LPIN2: variants seen among roughly 807,000 people sequenced by gnomAD.
LPIN2 encodes the protein lipin 2.
A neutral mutation model predicts 111.4 loss-of-function variants in LPIN2; 55 were observed. The ratio of observed to expected loss-of-function variants is 0.49; its 90% CI spans 0.40 to 0.62. The LOEUF (loss-of-function observed/expected upper bound fraction) is 0.62, where lower values mean the gene tolerates loss of function less well. Among genes scored for constraint, LPIN2 ranks in the 20% least tolerant of loss-of-function variants. The pLI, the probability that LPIN2 is intolerant of heterozygous loss-of-function variation, is 0.00. For synonymous variants in LPIN2, 425 were observed against 414.0 expected, an observed-to-expected ratio of 1.03 and a Z score of -0.32; for missense variants, 992 against 1,112.1, an observed-to-expected ratio of 0.89 and a Z score of 1.54.
intron 3 of LPIN2, among the ~76,000 whole-genome samples, chr18:2,953,419 G>T (rs1173652062): frequency 6.6e-6 from 1 of 151,856 alleles, no homozygotes; most frequent in Non-Finnish European, 1.5e-5. Flanking sequence ...TCTCTGATAA[G>T]GAAAAATGTT....
At chr18:2,927,516 C>T (rs189218560) in intron 12 of LPIN2, among the ~76,000 whole-genome samples, 19 of 152,332 alleles carry the variant, frequency 1.2e-4, no homozygotes, top group Middle Eastern at 3.4e-3. Flanking sequence ...TGTGAAATGG[C>T]AACTCGAACA....
intron 4 of LPIN2, chr18:2,946,509 A>G (rs1367368765): frequency 1.3e-6 from 2 of 1,566,072 alleles, no homozygotes; most frequent in South Asian, 2.2e-5. Flanking sequence ...CGCTGACCGC[A>G]GCTCCGGTTG....
In LPIN2 at chr18:2,920,433, G is replaced by A. The variant is rs752326401; in HGVS notation, c.2551C>T (p.His851Tyr). ...ERTKGNKSSY[H>Y]RLSELVEHVF... ...TGCTCCACGAGCTCACTCAGCCTGTGATACCTAAGAGAAAGGTTGGGGAAG... is the reference window on the plus strand; with the variant it reads ...TGCTCCACGAGCTCACTCAGCCTGTAATACCTAAGAGAAAGGTTGGGGAAG... Residue 851 changes from histidine (H) to tyrosine (Y), a missense_variant, in exon 20 of 20, where the codon CAC (histidine) becomes TAC (tyrosine). By Grantham distance (83) the His-to-Tyr change is moderately conservative (BLOSUM62 2). Transcript: ENST00000677752. 1.6e-5 allele frequency: 26 copies of A among 1,613,626 alleles called. No homozygotes were observed. In the South Asian group the frequency reaches 2.7e-4, roughly 17 times the overall value.
chr18:2,992,995 A>G (rs868200717), intron 1 of LPIN2, among the ~76,000 whole-genome samples: 11 of 132,146 alleles, frequency 8.3e-5, no homozygotes, highest in African/African-American at 2.7e-4. Flanking sequence ...AAAAAAAAAA[A>G]TTTAAATATT....
At chr18:2,922,263 A>G (rs2077066862) in intron 16 of LPIN2, 64 bp from the exon 17 acceptor site, 1 of 1,553,926 alleles carries the variant, frequency 6.4e-7, no homozygotes, top group East Asian at 2.2e-5. Context: ...ACAAAAAACA[A>G]AAAAAAAACC....
chr18:2,988,926 A>C (rs1004799576), intron 1 of LPIN2, among the ~76,000 whole-genome samples: 3 of 152,236 alleles, frequency 2.0e-5, no homozygotes, highest in Admixed American at 6.5e-5. Flanking sequence ...CAGCCTTTGC[A>C]ACAAATTAAT....
At chr18:2,987,533 G>C (rs2078204182) in intron 1 of LPIN2, among the ~76,000 whole-genome samples, 1 of 151,960 alleles carries the variant, frequency 6.6e-6, no homozygotes, top group Non-Finnish European at 1.5e-5. Flanking sequence ...GGACATTTCA[G>C]GTCCATCTTT....
chr18:2,921,106 C>A (rs948757481), intron 18 of LPIN2: 3 of 605,004 alleles, frequency 5.0e-6, no homozygotes, highest in South Asian at 3.8e-5. Flanking sequence ...AAGCCAGGGT[C>A]CCTGGCGCAG....
rs757239783 is a variant in LPIN2, at chr18:2,929,177, A to C, written c.1457-19T>G. 1 of 1,455,472 alleles carries C rather than the reference A, an allele frequency of 6.9e-7. No homozygotes were observed. Among genetic ancestry groups the C allele is most frequent in the East Asian group, 2.3e-5 (1 of 44,022 alleles). 90.2% of individuals were successfully genotyped at this position (1,455,472 alleles called of 1,614,324 possible). ...AATTTTTCTGCAATGTAAAATAATA[A>C]TCAATTTGGTTAGAGATTACATAAA... On this transcript the variant is annotated intron_variant, in intron 9 of 19. Coordinates refer to ENST00000677752, the MANE Select transcript of LPIN2 (RefSeq NM_001375808.2).
intron 18 of LPIN2, 183 bp downstream of exon 18, chr18:2,921,350 C>G: frequency 1.6e-6 from 1 of 643,784 alleles, no homozygotes; most frequent in South Asian, 1.8e-5. Context: ...CAGATCTGCA[C>G]CTGCAGGACC....
chr18:2,975,482 G>A (rs540431473), intron 1 of LPIN2, among the ~76,000 whole-genome samples: 7 of 152,160 alleles, frequency 4.6e-5, no homozygotes, highest in Non-Finnish European at 1.0e-4. Flanking sequence ...CTACAGGCGC[G>A]TGCCACCATG....
chr18:2,998,761 C>T (rs2078383661), intron 1 of LPIN2, among the ~76,000 whole-genome samples: 1 of 152,064 alleles, frequency 6.6e-6, no homozygotes, highest in African/African-American at 2.4e-5. Flanking sequence ...AGGGACAGAG[C>T]ATGATGAGAA....
At chr18:3,003,173 A>G (rs1486061392) in intron 1 of LPIN2, among the ~76,000 whole-genome samples, 6 of 152,240 alleles carry the variant, frequency 3.9e-5, no homozygotes, top group Admixed American at 3.9e-4. Context: ...GTCTATGAGT[A>G]TATTTCTATT....
intron 1 of LPIN2, among the ~76,000 whole-genome samples, chr18:3,007,653 C>T (rs1196815330): frequency 6.6e-6 from 1 of 152,106 alleles, no homozygotes; most frequent in African/African-American, 2.4e-5. Flanking sequence ...CTTATGTTGG[C>T]TCATAAGAAA....
intron 1 of LPIN2, among the ~76,000 whole-genome samples, chr18:2,973,986 A>G (rs543614637): frequency 6.6e-6 from 1 of 152,372 alleles, no homozygotes; most frequent in African/African-American, 2.4e-5. Context: ...ATTTGTGTAC[A>G]GGCATTTGTG....
chr18:2,977,598 T>C (rs1258073594), intron 1 of LPIN2, among the ~76,000 whole-genome samples: 1 of 152,036 alleles, frequency 6.6e-6, no homozygotes, highest in Non-Finnish European at 1.5e-5. Flanking sequence ...GACTGGGAAA[T>C]GCTCAAAATC....
intron 1 of LPIN2, among the ~76,000 whole-genome samples, chr18:3,008,038 G>T (rs2078542780): frequency 6.6e-6 from 1 of 152,144 alleles, no homozygotes; most frequent in African/African-American, 2.4e-5. Flanking sequence ...TTAGTCAGGG[G>T]TATATAAAAC....
intron 4 of LPIN2, among the ~76,000 whole-genome samples, chr18:2,949,515 C>A (rs2077501995): frequency 6.6e-6 from 1 of 152,104 alleles, no homozygotes; most frequent in Non-Finnish European, 1.5e-5. Flanking sequence ...TCTATCAGAA[C>A]TGAAATCAAA....
intron 1 of LPIN2, among the ~76,000 whole-genome samples, chr18:2,999,111 TG>T (rs1183694730): frequency 2.6e-5 from 4 of 152,222 alleles, no homozygotes; most frequent in African/African-American, 7.2e-5. Context: ...GGATGTCACA[TG>T]TGTTATCCCC....
Sources: allele counts gnomAD v4.1 joint callset (sites outside exome capture counted in the v4.1 genomes callset), GRCh38; gene constraint gnomAD v4.1.1; transcripts MANE v1.5; gene names NCBI Gene and HGNC (gene_info 2026-07-23, HGNC 2026-07-21).